The following MBP variants were observed in gnomAD, a reference collection of about 807,000 sequenced individuals.
MBP encodes the protein Golli-MBP.
Under a neutral mutation model 35.8 loss-of-function variants are expected in MBP, and 16 were observed. The observed-to-expected ratio is 0.45, with a 90% CI of 0.30 to 0.68. MBP has a LOEUF of 0.68. Ranked by LOEUF, MBP falls within the 30% of genes least tolerant of loss-of-function variation. The pLI is 0.08. For missense variants in MBP, 380 were observed against 404.7 expected, an observed-to-expected ratio of 0.94 and a Z score of 0.52; for synonymous variants, 143 against 159.6, an observed-to-expected ratio of 0.90 and a Z score of 0.78.
intron 3 of MBP, among the ~76,000 whole-genome samples, chr18:77,023,231 G>A (rs560370947): frequency 6.6e-6 from 1 of 152,256 alleles, no homozygotes; most frequent in Non-Finnish European, 1.5e-5. Flanking sequence ...GTGATATGTG[G>A]GGGATAGCGT....
At chr18:77,028,587 C>T (rs1287203030) in intron 3 of MBP, among the ~76,000 whole-genome samples, 3 of 85,098 alleles carry the variant, frequency 3.5e-5, no homozygotes, top group Admixed American at 1.2e-4. Context: ...GCGCCCCTCA[C>T]CTCCCGGACG....
intron 2 of MBP, chr18:77,067,797 T>G (rs926826035): frequency 3.9e-6 from 2 of 508,414 alleles, no homozygotes; most frequent in Admixed American, 4.0e-5. Context: ...GACCATAATA[T>G]GTACATAGTC....
At chr18:77,084,959 GGAGAGAGAGAGA>G (rs56132737) in intron 2 of MBP, among the ~76,000 whole-genome samples, 1 of 150,830 alleles carries the variant, frequency 6.6e-6, no homozygotes, top group Non-Finnish European at 1.5e-5. Context: ...GGGGGAGGGG[GGAGAGAGAGAGA>G]GAGAGAGAGA....
intron 3 of MBP, 29 bp from the exon 4 acceptor site, chr18:77,017,297 G>T: frequency 6.7e-7 from 1 of 1,490,806 alleles, no homozygotes; most frequent in Non-Finnish European, 8.9e-7. Flanking sequence ...TATGAATACG[G>T]GCCTGTGCAA....
intron 2 of MBP, among the ~76,000 whole-genome samples, chr18:77,085,108 G>A (rs929727299): frequency 1.4e-4 from 21 of 152,038 alleles, no homozygotes; most frequent in Admixed American, 5.2e-4. Context: ...AAAGAATATT[G>A]CACATTATTA....
At chr18:77,083,329 G>C (rs1975055477) in intron 2 of MBP, among the ~76,000 whole-genome samples, 1 of 152,160 alleles carries the variant, frequency 6.6e-6, no homozygotes, top group African/African-American at 2.4e-5. Context: ...GATCAACCCT[G>C]AGGACCCAGA....
chr18:77,025,160 T>G (rs1361545718), intron 3 of MBP, among the ~76,000 whole-genome samples: 1 of 152,180 alleles, frequency 6.6e-6, no homozygotes, highest in African/African-American at 2.4e-5. Flanking sequence ...CTCCGTATGT[T>G]CTAGAAACGC....
At chr18:76,985,052 G>C in intron 7 of MBP, 158 bp from the exon 8 acceptor site, 2 of 1,484,364 alleles carry the variant, frequency 1.3e-6, no homozygotes, top group South Asian at 1.2e-5. Flanking sequence ...CGCTGAGGGG[G>C]TGGGGGCGGG....
intron 3 of MBP, among the ~76,000 whole-genome samples, chr18:77,049,863 A>G (rs1973412599): frequency 6.6e-6 from 1 of 151,992 alleles, no homozygotes; most frequent in Non-Finnish European, 1.5e-5. Context: ...TATTTTTAGT[A>G]GAGATGGGGT....
intron 4 of MBP, among the ~76,000 whole-genome samples, chr18:76,992,802 GC>G (rs1425037633): frequency 6.6e-6 from 1 of 152,160 alleles, no homozygotes; most frequent in Non-Finnish European, 1.5e-5. Context: ...CAGAGCCCCA[GC>G]CCCAGCTCTC....
intron 2 of MBP, among the ~76,000 whole-genome samples, chr18:77,099,929 G>A (rs772972228): frequency 7.9e-5 from 12 of 152,368 alleles, no homozygotes; most frequent in South Asian, 6.2e-4. Flanking sequence ...GGCTGCTGGT[G>A]TGGAGTCCGT....
chr18:77,103,207 C>G (rs1386942870), intron 2 of MBP, among the ~76,000 whole-genome samples: 1 of 152,146 alleles, frequency 6.6e-6, no homozygotes, highest in Admixed American at 6.5e-5. Context: ...AAGTACAAAT[C>G]AGAGAAGGCC....
chr18:77,004,569 T>C (rs945366543), intron 4 of MBP: 2 of 152,194 alleles, frequency 1.3e-5, no homozygotes, highest in Admixed American at 1.3e-4. Flanking sequence ...CCATCCAGAA[T>C]AGCGGGCTTT....
intron 3 of MBP, among the ~76,000 whole-genome samples, chr18:77,042,265 G>A (rs1300151553): frequency 6.6e-6 from 1 of 152,142 alleles, no homozygotes; most frequent in Non-Finnish European, 1.5e-5. Context: ...CTGAAAACCT[G>A]GAAAACCTCC....
chr18:77,040,311 C>T (rs1169400658), intron 3 of MBP, among the ~76,000 whole-genome samples: 6 of 152,204 alleles, frequency 3.9e-5, no homozygotes, highest in African/African-American at 1.4e-4. Flanking sequence ...ACATTCCATG[C>T]TCATGGGTAG....
At chr18:77,000,337 C>A (rs183762030) in intron 4 of MBP, among the ~76,000 whole-genome samples, 1 of 152,302 alleles carries the variant, frequency 6.6e-6, no homozygotes, top group African/African-American at 2.4e-5. Flanking sequence ...AGTGATCATA[C>A]TAGACACACT....
At chr18:77,049,029 C>G (rs1973372587) in intron 3 of MBP, among the ~76,000 whole-genome samples, 1 of 152,128 alleles carries the variant, frequency 6.6e-6, no homozygotes, top group Non-Finnish European at 1.5e-5. Flanking sequence ...AGGCCATTCT[C>G]CTGTCCCAGC....
intron 3 of MBP, among the ~76,000 whole-genome samples, chr18:77,018,192 C>CCCAT (rs918390931): frequency 1.3e-5 from 2 of 151,440 alleles, no homozygotes; most frequent in African/African-American, 2.4e-5. Flanking sequence ...CACCCACCTA[C>CCCAT]CCATCCATCC....
intron 4 of MBP, among the ~76,000 whole-genome samples, chr18:76,997,892 C>T (rs1052409585): frequency 6.6e-6 from 1 of 152,058 alleles, no homozygotes; most frequent in Admixed American, 6.5e-5. Flanking sequence ...CTGTGTTAGC[C>T]AGGATGGTCT....
Sources: gnomAD v4.1 joint callset for allele counts (sites outside exome capture counted in the v4.1 genomes callset) on GRCh38, gnomAD v4.1.1 for gene constraint, MANE v1.5 for transcripts, NCBI Gene and HGNC (gene_info 2026-07-23, HGNC 2026-07-21) for gene names.